The following CYBRD1 variants were observed in gnomAD, a reference collection of about 807,000 sequenced individuals.
The protein encoded by CYBRD1 is plasma membrane ascorbate-dependent reductase CYBRD1.
In CYBRD1, 14 loss-of-function variants were observed where a neutral mutation model predicts 21.9. The observed-to-expected ratio is 0.64, with a 90% confidence interval of 0.42 to 1.00. The LOEUF is 1.00. Among genes scored for constraint, CYBRD1 ranks in the 50% least tolerant of loss-of-function variants. The pLI is 0.00. For missense variants in CYBRD1, 328 were observed against 352.5 expected (o/e 0.93, Z 0.56); for synonymous variants, 146 against 136.5 (o/e 1.07, Z -0.48).
In CYBRD1 at chr2:171,553,357, T is replaced by C; in HGVS notation, c.414T>C (p.Gly138=). The change falls in exon 3 of 4, where the codon GGT becomes GGC. Residue 138 remains glycine, a synonymous_variant. Transcript: ENST00000321348. ...TTTTTGGTGTTTAGCTTCTTTCAGG[T>C]TTTTCAGTCTTTCTGCTTCCATGGG... The part of the protein sequence containing the change: ...VICYLLQLLS[G]FSVFLLPWAP... The C allele has an allele frequency of 6.2e-7, 1 of 1,613,466 alleles. No homozygotes were observed. Among genetic ancestry groups the C allele is most frequent in the Non-Finnish European group, 8.5e-7 (1 of 1,179,590 alleles).
Position 171,555,861 on chromosome 2 carries a change from C to CTG in CYBRD1, c.*1034_*1035insTG, listed in dbSNP as rs1260531993. ...GGTGGGACTGAGACTCAGATGCAGGCAGTCTGGCACCTCAGTCTGGATTCT... is the reference window on the plus strand; with the variant it reads ...GGTGGGACTGAGACTCAGATGCAGGCTGAGTCTGGCACCTCAGTCTGGATTCT... On this transcript the variant is annotated 3_prime_UTR_variant, in exon 4 of 4. Transcript: ENST00000321348. The CTG allele has an allele frequency of 3.0e-4, 46 of 152,226 alleles. No individual in the cohort carries two copies. The highest frequency in any genetic ancestry group is 5.9e-5 in the Non-Finnish European group (4 of 68,054). 9.4% of individuals were successfully genotyped at this position (152,226 alleles called of 1,614,324 possible). A position where few individuals can be genotyped will look rare whatever the true frequency, so the allele number is the denominator to read the frequency against.
rs559136167 is a variant in CYBRD1 at position 171,530,751 on chromosome 2, C to T, written c.193+8013C>T. 4.3e-4 allele frequency among the ~76,000 whole-genome samples: 65 copies of T among 152,286 alleles called. 1 individual carries two copies. The South Asian group carries it at 0.013, about 30-fold the overall frequency. On this transcript the variant is annotated intron_variant, in intron 1 of 3. Transcript: ENST00000321348. ...CCTCCAAAACATTGGGCTGATCAAA[C>T]AAAACAACATCTTTGGACCAAATTC... is the stretch of plus-strand genomic sequence containing the variant.
At position 171,554,545 on chromosome 2, in the gene CYBRD1, A is replaced by C. The variant is rs775626135; in HGVS notation, c.579A>C (p.Thr193=). Residue 193 remains threonine, a synonymous_variant, in exon 4 of 4, where the codon ACA becomes ACC. Transcript: ENST00000321348. ...ATAGGAGAGATCCTGCATACAGTAC[A>C]TTCCCGCCAGAAGGTGTTTTCGTAA... is the stretch of plus-strand genomic sequence containing the variant. ...IFSLRDPAYS[T]FPPEGVFVNT... is the part of the protein sequence containing the mutation. 1.2e-6 allele frequency: 2 copies of C among 1,614,022 alleles called. No individual in the cohort carries two copies. Among genetic ancestry groups the C allele is most frequent in the South Asian group, 1.1e-5 (1 of 91,082 alleles).
In CYBRD1 at chr2:171,556,752, A is replaced by C. The variant is rs1683494720; in HGVS notation, c.*1925A>C. 6.6e-6 allele frequency: 1 copy of C among 152,246 alleles called. No individual in the cohort carries two copies. The highest frequency in any genetic ancestry group is 1.5e-5 in the Non-Finnish European group (1 of 68,080). 9.4% of individuals were successfully genotyped at this position (152,246 alleles called of 1,614,324 possible). On this transcript the variant is annotated 3_prime_UTR_variant, in exon 4 of 4. Transcript: ENST00000321348. Reference sequence around the variant, plus strand: ...CCCAGTACCCAGCCCTCTGCCTGGCACAAAGTGGTAGCACAATTAAATTCA... The same window carrying C: ...CCCAGTACCCAGCCCTCTGCCTGGCCCAAAGTGGTAGCACAATTAAATTCA...
At chr2:171,523,441 C>A (rs1002999009) in intron 1 of CYBRD1, 5 of 213,440 alleles carry the variant, frequency 2.3e-5, no homozygotes, top group Non-Finnish European at 5.1e-5. Context: ...CCTGCCCAGT[C>A]ATTGGACGGT....
At chr2:171,544,433 T>C (rs911103439) in intron 2 of CYBRD1, among the ~76,000 whole-genome samples, 1 of 152,228 alleles carries the variant, frequency 6.6e-6, no homozygotes, top group African/African-American at 2.4e-5. Context: ...ATGAAATTCT[T>C]CTCTACCCTG....
chr2:171,541,859 T>TCC, intron 2 of CYBRD1, 66 bp downstream of exon 2: 1 of 1,234,562 alleles, frequency 8.1e-7, no homozygotes, highest in Non-Finnish European at 1.1e-6. Context: ...ATGTTTTCTT[T>TCC]TCTTTTTTTT....
At chr2:171,536,303 C>T (rs1182160836) in intron 1 of CYBRD1, among the ~76,000 whole-genome samples, 1 of 151,658 alleles carries the variant, frequency 6.6e-6, no homozygotes. Flanking sequence ...CCATGCCCAG[C>T]TAATTTTTTG....
At chr2:171,536,407 C>T (rs962982638) in intron 1 of CYBRD1, among the ~76,000 whole-genome samples, 6 of 152,110 alleles carry the variant, frequency 3.9e-5, no homozygotes, top group Non-Finnish European at 7.3e-5. Context: ...CGGGTTCAAG[C>T]GATCCTCCTG....
chr2:171,522,240 T>A, upstream of CYBRD1: 1 of 1,549,934 alleles, frequency 6.5e-7, no homozygotes, highest in Non-Finnish European at 8.7e-7. The surrounding 1 kb of genome is among the most constrained non-coding windows in gnomAD (Gnocchi z 4.3). Context: ...AGCAACTAAC[T>A]AGGTCTGTTA....
intron 3 of CYBRD1, 59 bp downstream of exon 3, chr2:171,553,559 T>C (rs1683424428): frequency 6.9e-7 from 1 of 1,455,514 alleles, no homozygotes; most frequent in East Asian, 2.4e-5. Flanking sequence ...AAATACTTGT[T>C]CACTGGGAAA....
At chr2:171,532,903 G>A (rs1221913777) in intron 1 of CYBRD1, among the ~76,000 whole-genome samples, 1 of 149,830 alleles carries the variant, frequency 6.7e-6, no homozygotes, top group Non-Finnish European at 1.5e-5. Flanking sequence ...GTGTGTGTGT[G>A]TGTGTGTGTA....
intron 1 of CYBRD1, among the ~76,000 whole-genome samples, chr2:171,528,399 A>C (rs1223852428): frequency 2.6e-5 from 4 of 151,782 alleles, no homozygotes; most frequent in African/African-American, 9.7e-5. Context: ...CACTTTCTTT[A>C]CTTGGCTTCT....
At chr2:171,539,209 C>T (rs1226158943) in intron 1 of CYBRD1, among the ~76,000 whole-genome samples, 1 of 152,134 alleles carries the variant, frequency 6.6e-6, no homozygotes, top group Non-Finnish European at 1.5e-5. Flanking sequence ...TGAGGCCAGG[C>T]ACTGTAGTTC....
intron 1 of CYBRD1, among the ~76,000 whole-genome samples, chr2:171,536,516 G>A (rs1348172718): frequency 1.3e-5 from 2 of 151,980 alleles, no homozygotes; most frequent in Non-Finnish European, 2.9e-5. Context: ...ATGTTGGCCA[G>A]GCTGGTCTCA....
At position 171,522,627 on chromosome 2, in the gene CYBRD1, C is replaced by A; in HGVS notation, c.82C>A (p.Leu28Ile). The change falls in exon 1 of 4, where the codon CTC becomes ATC. Residue 28 changes from leucine (L) to isoleucine (I), a missense_variant. Coordinates refer to ENST00000321348, the MANE Select transcript of CYBRD1 (RefSeq NM_024843.4). This position sits in a 1 kb window ranked among gnomAD's most constrained non-coding sequence, Gnocchi z 4.3. ...LVGFLSVIFA[L>I]VWVLHYREGL... ...CGGCTTCCTGTCGGTGATCTTCGCCCTCGTCTGGGTCCTCCACTACCGAGA... is the reference window on the plus strand; with the variant it reads ...CGGCTTCCTGTCGGTGATCTTCGCCATCGTCTGGGTCCTCCACTACCGAGA... 1.2e-6 allele frequency: 2 copies of A among 1,613,414 alleles called. No individual in the cohort carries two copies. Among genetic ancestry groups the A allele is most frequent in the Non-Finnish European group, 1.7e-6 (2 of 1,179,912 alleles).
rs1252111655 is a variant in CYBRD1, at chr2:171,557,614, G to A, written c.*2787G>A. ...TGCGTGGTTTCATGTAAGCTGTGCTGTTTAGAAACAACATCTCAGACTTTA... is the reference window on the plus strand; with the variant it reads ...TGCGTGGTTTCATGTAAGCTGTGCTATTTAGAAACAACATCTCAGACTTTA... On this transcript the variant is annotated 3_prime_UTR_variant, in exon 4 of 4. Transcript: ENST00000321348. 1 of 152,166 alleles carries A rather than the reference G, an allele frequency of 6.6e-6. No individual in the cohort carries two copies. 9.4% of individuals were successfully genotyped at this position (152,166 alleles called of 1,614,324 possible).
Position 171,540,772 on chromosome 2 carries a change from C to CTTTTTTTTTTTTTTTTTTT in CYBRD1, c.194-797_194-796insTTTTTTTTTTTTTTTTTTT, listed in dbSNP as rs60636441. On this transcript the variant is annotated intron_variant, in intron 1 of 3. Coordinates refer to ENST00000321348, the MANE Select transcript of CYBRD1 (RefSeq NM_024843.4). Reference sequence around the variant, plus strand: ...CTTTCTTTTTCTTATCAAACTAAGACTTTTTTTTTTTTTTTTGTCTTCCTC... The same window carrying CTTTTTTTTTTTTTTTTTTT: ...CTTTCTTTTTCTTATCAAACTAAGACTTTTTTTTTTTTTTTTTTTTTTTTTTTTTTTTTTTGTCTTCCTC... The CTTTTTTTTTTTTTTTTTTT allele has an allele frequency of 1.6e-4, 18 of 109,904 alleles. 1 individual carries two copies. The highest frequency in any genetic ancestry group is 2.9e-4 in the East Asian group (1 of 3,458). The allele number at this position is 109,904 out of a possible 1,614,324, so 6.8% of individuals were successfully genotyped here. A position where few individuals can be genotyped will look rare whatever the true frequency, so the allele number is the denominator to read the frequency against.
At chr2:171,541,852 TTTTCTTTTC>T in intron 2 of CYBRD1, 59 bp downstream of exon 2, 2 of 1,276,666 alleles carry the variant, frequency 1.6e-6, no homozygotes, top group Non-Finnish European at 1.1e-6. Context: ...ACTGTAAATG[TTTTCTTTTC>T]TTTTTTTTTT....
Sources: allele counts gnomAD v4.1 joint callset (sites outside exome capture counted in the v4.1 genomes callset), GRCh38; gene constraint gnomAD v4.1.1; non-coding constraint Gnocchi (gnomAD v3.1); transcripts MANE v1.5; gene names NCBI Gene and HGNC (gene_info 2026-07-23, HGNC 2026-07-21).